Variants in C12orf50 observed in about 807,000 individuals in gnomAD.
The protein encoded by C12orf50 is zinc finger CCCH-type containing 11D, also known as uncharacterized protein C12orf50.
C12orf50 carries 35 observed loss-of-function variants against 61.6 expected under a neutral mutation model. The observed-to-expected ratio is 0.57, with a 90% CI of 0.43 to 0.75. The LOEUF (loss-of-function observed/expected upper bound fraction) is 0.75, where lower values mean the gene tolerates loss of function less well. C12orf50 is among the 30% of genes least tolerant of loss of function. The pLI, the probability that C12orf50 is intolerant of heterozygous loss-of-function variation, is 0.00. For missense variants in C12orf50, 475 were observed against 488.5 expected, an observed-to-expected ratio of 0.97 and a Z score of 0.26; for synonymous variants, 178 against 161.5, an observed-to-expected ratio of 1.10 and a Z score of -0.77.
chr12:87,993,830 C>A (rs528440200), intron 7 of C12orf50, among the ~76,000 whole-genome samples: 14 of 152,158 alleles, frequency 9.2e-5, no homozygotes, highest in Admixed American at 2.6e-4. Flanking sequence ...AAAGCAGTTC[C>A]AAAATATTTA....
chr12:88,021,375 G>T (rs142709374), intron 3 of C12orf50, among the ~76,000 whole-genome samples: 1 of 151,948 alleles, frequency 6.6e-6, no homozygotes, highest in African/African-American at 2.4e-5. Flanking sequence ...AGTGGCTCAC[G>T]CCTATAATCC....
intron 3 of C12orf50, among the ~76,000 whole-genome samples, chr12:88,003,049 T>C (rs749102739): frequency 1.8e-4 from 28 of 152,004 alleles, no homozygotes; most frequent in South Asian, 2.1e-4. Flanking sequence ...TAATTATTAC[T>C]TAAGATAATT....
chr12:87,991,118 T>A (rs934696604), intron 7 of C12orf50, among the ~76,000 whole-genome samples: 8 of 152,126 alleles, frequency 5.3e-5, no homozygotes, highest in African/African-American at 1.9e-4. Context: ...GGAAAAATAA[T>A]GTATCATCTA....
intron 3 of C12orf50, among the ~76,000 whole-genome samples, chr12:88,024,697 T>G (rs2032638969): frequency 6.6e-6 from 1 of 152,174 alleles, no homozygotes; most frequent in African/African-American, 2.4e-5. Context: ...GATGAAATTA[T>G]CTGTCCACCA....
intron 3 of C12orf50, among the ~76,000 whole-genome samples, chr12:88,017,653 C>G (rs746724134): frequency 1.3e-5 from 2 of 152,128 alleles, no homozygotes; most frequent in South Asian, 4.1e-4. Flanking sequence ...AGTTTGGAAC[C>G]TCCTAGATAC....
chr12:88,023,721 T>A (rs1332615006), intron 3 of C12orf50, among the ~76,000 whole-genome samples: 2 of 150,588 alleles, frequency 1.3e-5, no homozygotes, highest in African/African-American at 4.9e-5. Flanking sequence ...GAAATACCAT[T>A]CTGGATATAG....
rs2030383135 is a variant in C12orf50 at position 87,980,123 on chromosome 12, G to A, written c.*208C>T. ...GACCTACATAAATACACTGGCAGCT[G>A]TTGGTAATTTGCATTTTTATCAGTT... On this transcript the variant is annotated 3_prime_UTR_variant, in exon 13 of 13. Transcript: ENST00000298699. The A allele has an allele frequency of 1.8e-6, 1 of 553,794 alleles. No individual in the cohort carries two copies. Among genetic ancestry groups the A allele is most frequent in the Non-Finnish European group, 3.2e-6 (1 of 315,834 alleles). 34.3% of individuals were successfully genotyped at this position (553,794 alleles called of 1,614,324 possible). A position where few individuals can be genotyped will look rare whatever the true frequency, so the allele number is the denominator to read the frequency against.
chr12:88,026,280 CTTGCTCT>C, intron 3 of C12orf50, among the ~76,000 whole-genome samples: 1 of 152,290 alleles, frequency 6.6e-6, no homozygotes, highest in Admixed American at 6.5e-5. Context: ...GAAAGTTTAA[CTTGCTCT>C]TTGTTCATTT....
chr12:87,993,580 A>C (rs1036699382), intron 7 of C12orf50, among the ~76,000 whole-genome samples: 1 of 152,170 alleles, frequency 6.6e-6, no homozygotes, highest in African/African-American at 2.4e-5. Flanking sequence ...CCAAAAAAAA[A>C]GGGCAGTGGG....
chr12:88,008,541 A>C (rs1338543316), intron 3 of C12orf50, among the ~76,000 whole-genome samples: 1 of 152,174 alleles, frequency 6.6e-6, no homozygotes, highest in East Asian at 1.9e-4. Flanking sequence ...TAGTTTTAAC[A>C]GAAGGAAATA....
chr12:88,009,680 G>A (rs2032023571), intron 3 of C12orf50, among the ~76,000 whole-genome samples: 1 of 151,968 alleles, frequency 6.6e-6, no homozygotes, highest in Admixed American at 6.6e-5. Flanking sequence ...TCTCAATAGT[G>A]GTAAAACAGA....
At chr12:87,996,297 A>G (rs2031386133) in intron 6 of C12orf50, 77 bp downstream of exon 6, 12 of 1,006,440 alleles carry the variant, frequency 1.2e-5, no homozygotes, top group Admixed American at 2.0e-5. Context: ...TCTTCTGTAC[A>G]TCATACTAAA....
chr12:87,988,004 A>C (rs780817220), intron 8 of C12orf50, 38 bp from the exon 9 acceptor site: 3 of 1,380,496 alleles, frequency 2.2e-6, no homozygotes, highest in Non-Finnish European at 2.0e-6. Flanking sequence ...TGTCAATATT[A>C]GTTTTTAAAA....
chr12:88,006,360 C>G (rs2031883633), intron 3 of C12orf50, among the ~76,000 whole-genome samples: 1 of 152,148 alleles, frequency 6.6e-6, no homozygotes, highest in Non-Finnish European at 1.5e-5. Context: ...CAGAGCGTCC[C>G]TAATCTTAAA....
intron 3 of C12orf50, among the ~76,000 whole-genome samples, chr12:88,015,905 G>C (rs2032294478): frequency 6.6e-6 from 1 of 152,080 alleles, no homozygotes; most frequent in Non-Finnish European, 1.5e-5. Flanking sequence ...ATTGCAAAGA[G>C]AGTAACTGGC....
chr12:88,023,927 G>A (rs562955935), intron 3 of C12orf50, among the ~76,000 whole-genome samples: 29 of 151,990 alleles, frequency 1.9e-4, no homozygotes, highest in African/African-American at 6.5e-4. Flanking sequence ...ATTTATAAGG[G>A]ACTTAACAAG....
At chr12:87,995,710 T>C (rs1164302689) in intron 6 of C12orf50, among the ~76,000 whole-genome samples, 1 of 152,210 alleles carries the variant, frequency 6.6e-6, no homozygotes, top group Non-Finnish European at 1.5e-5. Flanking sequence ...CTCTGAGCAG[T>C]GCTGGCCTGC....
rs200459475 is a variant in C12orf50 at position 88,021,863 on chromosome 12, CA to C, written c.133+4624del. Among the ~76,000 whole-genome samples the C allele has an allele frequency of 3.5e-4, 53 of 151,158 alleles. No homozygotes were observed. The East Asian group carries it at 9.1e-3, about 26-fold the overall frequency. On this transcript the variant is annotated intron_variant, in intron 3 of 12. Transcript: ENST00000298699. ...TATAAGTAAGAAAAAGCCTACCAAC[CA>C]AAAAAAACCCAGGGCCAGATAGATT...
chr12:87,986,392 T>G lies in C12orf50; in HGVS notation c.842A>C (p.Lys281Thr). 1 of 1,609,772 alleles carries G rather than the reference T, an allele frequency of 6.2e-7. No homozygotes were observed. The highest frequency in any genetic ancestry group is 8.5e-7 in the Non-Finnish European group (1 of 1,178,570). Residue 281 changes from lysine to threonine, a missense_variant, in exon 10 of 13, where the codon AAG becomes ACG. By Grantham distance (78) the Lys-to-Thr change is moderately conservative. Transcript: ENST00000298699. The stretch of plus-strand genomic sequence containing the variant: ...TTTCTTCACACCTTTAAAATGAGGC[T>G]TCTTCACTGGCTGGACATCATTCAC... ...SSMNDVQPVK[K>T]PHFKGVKKRK...
Sources: gnomAD v4.1 joint callset for allele counts (sites outside exome capture counted in the v4.1 genomes callset) on GRCh38, gnomAD v4.1.1 for gene constraint, MANE v1.5 for transcripts, NCBI Gene and HGNC (gene_info 2026-07-23, HGNC 2026-07-21) for gene names.